The following ME1 variants were observed in gnomAD, a reference collection of about 807,000 sequenced individuals.
The protein encoded by ME1 is NADP-dependent malic enzyme.
In ME1, 74 loss-of-function variants were observed where a neutral mutation model predicts 66.4. The ratio of observed to expected loss-of-function variants is 1.11; its 90% confidence interval spans 0.92 to 1.35. The LOEUF is 1.35. Ranked by LOEUF, ME1 falls within the 40% of genes most tolerant of loss-of-function variation. The pLI is 0.00. For missense variants in ME1, 750 were observed against 694.1 expected (o/e 1.08, Z -0.90); for synonymous variants, 251 against 235.6 (o/e 1.07, Z -0.60).
intron 5 of ME1, among the ~76,000 whole-genome samples, chr6:83,319,678 C>G (rs1376420451): frequency 1.3e-5 from 2 of 152,124 alleles, no homozygotes; most frequent in African/African-American, 2.4e-5. Flanking sequence ...ACCCAGAAGG[C>G]AAAACCAAAA....
At chr6:83,414,274 T>C (rs1197530190) in intron 1 of ME1, among the ~76,000 whole-genome samples, 1 of 152,094 alleles carries the variant, frequency 6.6e-6, no homozygotes, top group Non-Finnish European at 1.5e-5. Context: ...CATTTAACTA[T>C]ACAAACAAAT....
chr6:83,231,963 G>A (rs547496741), intron 9 of ME1, among the ~76,000 whole-genome samples: 2 of 151,890 alleles, frequency 1.3e-5, no homozygotes, highest in South Asian at 2.1e-4. Flanking sequence ...TTACTATATC[G>A]TAGAAGATAT....
chr6:83,253,799 T>C, intron 6 of ME1, 61 bp from the exon 7 acceptor site: 1 of 851,630 alleles, frequency 1.2e-6, no homozygotes. Context: ...AAAATAAACT[T>C]TTAAAATTAG....
chr6:83,421,975 G>C (rs1374647493), intron 1 of ME1, among the ~76,000 whole-genome samples: 1 of 152,114 alleles, frequency 6.6e-6, no homozygotes, highest in Non-Finnish European at 1.5e-5. Context: ...TAAATCTGGA[G>C]GAAGTACACA....
chr6:83,295,414 A>G (rs1767579123), intron 6 of ME1, among the ~76,000 whole-genome samples: 1 of 152,250 alleles, frequency 6.6e-6, no homozygotes, highest in Non-Finnish European at 1.5e-5. Flanking sequence ...CTTAACCAGG[A>G]TGAGATGACT....
chr6:83,294,204 C>A (rs1433536180), intron 6 of ME1, among the ~76,000 whole-genome samples: 1 of 152,204 alleles, frequency 6.6e-6, no homozygotes, highest in Non-Finnish European at 1.5e-5. Flanking sequence ...TACAACTACT[C>A]TGTGTATTAT....
intron 1 of ME1, among the ~76,000 whole-genome samples, chr6:83,429,279 AATAAT>A (rs1325912278): frequency 1.3e-5 from 2 of 152,146 alleles, no homozygotes; most frequent in African/African-American, 4.8e-5. Context: ...TAATAATAAT[AATAAT>A]AAATTCTTGA....
At chr6:83,317,216 T>C (rs537345923) in intron 5 of ME1, among the ~76,000 whole-genome samples, 1 of 152,224 alleles carries the variant, frequency 6.6e-6, no homozygotes, top group Non-Finnish European at 1.5e-5. Context: ...AACATGAAAT[T>C]AAGTGTGTGG....
intron 5 of ME1, among the ~76,000 whole-genome samples, chr6:83,327,996 A>G (rs1562482301): frequency 6.6e-6 from 1 of 152,206 alleles, no homozygotes; most frequent in Non-Finnish European, 1.5e-5. Context: ...AAATCATTCT[A>G]TGATAAAGAC....
In ME1 at chr6:83,364,020, T is replaced by C. The variant is rs151213852; in HGVS notation, c.363-11881A>G. The stretch of plus-strand genomic sequence containing the variant: ...GGGGTGGACTTGTGATGATTAATAC[T>C]GAGTGTCAACTTGATAGGATTGAAA... On this transcript the variant is annotated intron_variant, in intron 3 of 13. Transcript: ENST00000369705. Among the ~76,000 whole-genome samples the C allele has an allele frequency of 1.6e-3, 242 of 152,316 alleles. 3 individuals are homozygous for C. The highest frequency in any genetic ancestry group is 5.5e-3 in the African/African-American group (230 of 41,562).
At chr6:83,273,984 C>T (rs964829576) in intron 6 of ME1, among the ~76,000 whole-genome samples, 1 of 152,272 alleles carries the variant, frequency 6.6e-6, no homozygotes, top group African/African-American at 2.4e-5. Flanking sequence ...ATGTTTGGCC[C>T]TATTAATCCC....
intron 3 of ME1, among the ~76,000 whole-genome samples, chr6:83,389,317 TTC>T (rs2128549563): frequency 6.6e-6 from 1 of 152,278 alleles, no homozygotes; most frequent in Non-Finnish European, 1.5e-5. Flanking sequence ...AAGTTACAAT[TTC>T]TCTGAGATAG....
At chr6:83,314,015 T>C (rs1331554317) in intron 6 of ME1, among the ~76,000 whole-genome samples, 3 of 152,210 alleles carry the variant, frequency 2.0e-5, no homozygotes, top group Non-Finnish European at 2.9e-5. Flanking sequence ...AGTGCATCTC[T>C]AGTTAGAGTT....
intron 5 of ME1, among the ~76,000 whole-genome samples, chr6:83,317,392 T>C (rs573355563): frequency 6.6e-6 from 1 of 151,592 alleles, no homozygotes; most frequent in East Asian, 1.9e-4. Flanking sequence ...CCCTTGTAAG[T>C]TGGATTCCTA....
chr6:83,226,025 C>T (rs9444049), intron 11 of ME1, among the ~76,000 whole-genome samples: 28,096 of 151,874 alleles, frequency 0.18, 3,639 homozygotes, highest in African/African-American at 0.36. Flanking sequence ...AATAGTCTTT[C>T]TGTATATTGT....
chr6:83,361,728 G>A (rs566111862), intron 3 of ME1, among the ~76,000 whole-genome samples: 80 of 152,226 alleles, frequency 5.3e-4, no homozygotes, highest in African/African-American at 1.8e-3. Flanking sequence ...TTTGACTATG[G>A]GTCATCAAGT....
At chr6:83,416,155 C>G (rs1212696129) in intron 1 of ME1, among the ~76,000 whole-genome samples, 1 of 152,030 alleles carries the variant, frequency 6.6e-6, no homozygotes, top group Non-Finnish European at 1.5e-5. Context: ...CTAAATAAGA[C>G]TAATCAACTA....
intron 6 of ME1, among the ~76,000 whole-genome samples, chr6:83,306,090 T>C (rs1427501947): frequency 1.3e-5 from 2 of 152,116 alleles, no homozygotes; most frequent in Admixed American, 6.6e-5. Flanking sequence ...ATTGATAGTG[T>C]TTTTTGTTTT....
At chr6:83,272,063 T>G (rs1767090749) in intron 6 of ME1, among the ~76,000 whole-genome samples, 1 of 152,180 alleles carries the variant, frequency 6.6e-6, no homozygotes. Flanking sequence ...ATTTCAAGTT[T>G]TCATGCACAA....
Sources: allele counts gnomAD v4.1 joint callset (sites outside exome capture counted in the v4.1 genomes callset), GRCh38; gene constraint gnomAD v4.1.1; transcripts MANE v1.5; gene names NCBI Gene and HGNC (gene_info 2026-07-23, HGNC 2026-07-21).